The following PPM1H variants were observed in gnomAD, a reference collection of about 807,000 sequenced individuals.
The protein encoded by PPM1H is protein phosphatase, Mg2+/Mn2+ dependent 1H, also known as protein phosphatase 1H.
PPM1H carries 27 observed loss-of-function variants against 54.9 expected under a neutral mutation model. The observed-to-expected ratio is 0.49, with a 90% CI of 0.36 to 0.68. The LOEUF (loss-of-function observed/expected upper bound fraction) is 0.68. Among genes scored for constraint, PPM1H ranks in the 30% least tolerant of loss-of-function variants. The pLI, the probability that PPM1H is intolerant of heterozygous loss-of-function variation, is 0.00. For synonymous variants in PPM1H, 305 were observed against 270.8 expected (o/e 1.13, Z -1.24); for missense variants, 596 against 667.8 (o/e 0.89, Z 1.19).
At chr12:62,658,629 C>T (rs1453272783) in intron 9 of PPM1H, among the ~76,000 whole-genome samples, 1 of 152,062 alleles carries the variant, frequency 6.6e-6, no homozygotes, top group African/African-American at 2.4e-5. Context: ...TATAAGGAAC[C>T]AGAGGACTGT....
Position 62,934,442 on chromosome 12 carries a change from G to A in PPM1H, c.245+50C>T, listed in dbSNP as rs1238860316. On this transcript the variant is annotated intron_variant, in intron 1 of 9. Coordinates refer to ENST00000228705, the MANE Select transcript of PPM1H (RefSeq NM_020700.2). The surrounding 1 kb of genome is among the most constrained non-coding windows in gnomAD (Gnocchi z 4.2). The stretch of plus-strand genomic sequence containing the variant: ...GAGAGAAGAGGGCTGGAACCGTGCG[G>A]GGAAGGGCCGCGAGGAGAGCAGGGG... 2.0e-6 allele frequency: 3 copies of A among 1,494,038 alleles called. No individual in the cohort carries two copies. Among genetic ancestry groups the A allele is most frequent in the African/African-American group, 2.8e-5 (2 of 71,560 alleles). 92.5% of individuals were successfully genotyped at this position (1,494,038 alleles called of 1,614,324 possible). A position where few individuals can be genotyped will look rare whatever the true frequency, so the allele number is the denominator to read the frequency against.
At chr12:62,871,598 T>C (rs1045134534) in intron 1 of PPM1H, among the ~76,000 whole-genome samples, 1 of 146,010 alleles carries the variant, frequency 6.8e-6, no homozygotes, top group African/African-American at 2.5e-5. Flanking sequence ...CACTGCAACC[T>C]CCACCTCCTG....
intron 6 of PPM1H, among the ~76,000 whole-genome samples, chr12:62,699,513 C>CA (rs1424951257): frequency 2.0e-5 from 3 of 152,294 alleles, no homozygotes; most frequent in African/African-American, 2.4e-5. Context: ...CTTTTCAATA[C>CA]AAAAAACAGA....
chr12:62,676,170 T>A (rs769395609), intron 8 of PPM1H, among the ~76,000 whole-genome samples: 1 of 152,202 alleles, frequency 6.6e-6, no homozygotes, highest in Non-Finnish European at 1.5e-5. Flanking sequence ...CTGGCTTCCA[T>A]GCTTCAAGTC....
intron 2 of PPM1H, among the ~76,000 whole-genome samples, chr12:62,818,433 T>C (rs543154181): frequency 7.9e-5 from 12 of 151,556 alleles, no homozygotes; most frequent in Non-Finnish European, 1.3e-4. Flanking sequence ...AATCTTGAGC[T>C]GGTTAATTAA....
At chr12:62,773,217 G>A (rs911453977) in intron 4 of PPM1H, among the ~76,000 whole-genome samples, 1 of 152,216 alleles carries the variant, frequency 6.6e-6, no homozygotes, top group Admixed American at 6.5e-5. Flanking sequence ...GCTTAGGCCT[G>A]TAATTCCAGC....
At position 62,675,690 on chromosome 12, in the gene PPM1H, T is replaced by C. The variant is rs528011888; in HGVS notation, c.1246-8361A>G. Among the ~76,000 whole-genome samples, 156 of 152,346 alleles carry C rather than the reference T, an allele frequency of 1.0e-3. 1 individual carries two copies. The highest frequency in any genetic ancestry group is 3.6e-3 in the African/African-American group (148 of 41,588). On this transcript the variant is annotated intron_variant, in intron 8 of 9. Coordinates refer to ENST00000228705, the MANE Select transcript of PPM1H (RefSeq NM_020700.2). ...GTCCCCTTTGATTCTTGAAAATTCCTGGTTGAGGGGTTAAGATGGTCACCT... is the reference window on the plus strand; with the variant it reads ...GTCCCCTTTGATTCTTGAAAATTCCCGGTTGAGGGGTTAAGATGGTCACCT...
In PPM1H at chr12:62,723,081, G is replaced by T. The variant is rs532478065; in HGVS notation, c.955-2792C>A. On this transcript the variant is annotated intron_variant, in intron 5 of 9. Coordinates refer to ENST00000228705, the MANE Select transcript of PPM1H (RefSeq NM_020700.2). ...CTCAGAACACTTACATTAGCCTACA[G>T]TTGGGCAAAATCATCTGGCAACACA... Among the ~76,000 whole-genome samples the T allele has an allele frequency of 1.8e-4, 27 of 152,268 alleles. No individual in the cohort carries two copies. The South Asian group carries it at 1.9e-3, about 11-fold the overall frequency.
chr12:62,890,457 T>C (rs988644076), intron 1 of PPM1H, among the ~76,000 whole-genome samples: 2 of 152,146 alleles, frequency 1.3e-5, no homozygotes, highest in Non-Finnish European at 2.9e-5. Flanking sequence ...GAAATCTCTG[T>C]GCTTTCTGCT....
At chr12:62,827,796 T>A (rs566361575) in intron 2 of PPM1H, among the ~76,000 whole-genome samples, 1 of 152,284 alleles carries the variant, frequency 6.6e-6, no homozygotes, top group East Asian at 1.9e-4. Context: ...TTCCTAACCT[T>A]ACCCATCCCC....
At chr12:62,771,994 T>G (rs2120651247) in intron 4 of PPM1H, among the ~76,000 whole-genome samples, 1 of 152,306 alleles carries the variant, frequency 6.6e-6, no homozygotes, top group Admixed American at 6.5e-5. Flanking sequence ...AATTCCTAAT[T>G]TACAGACGAG....
chr12:62,922,931 T>G (rs576235166), intron 1 of PPM1H, among the ~76,000 whole-genome samples: 2 of 152,320 alleles, frequency 1.3e-5, no homozygotes, highest in African/African-American at 4.8e-5. Flanking sequence ...TTAGGCAGAT[T>G]TCCTAATTTA....
chr12:62,714,621 C>A (rs1224325286), intron 6 of PPM1H, among the ~76,000 whole-genome samples: 1 of 151,948 alleles, frequency 6.6e-6, no homozygotes, highest in Non-Finnish European at 1.5e-5. Context: ...TTACGAGAGA[C>A]CTAGGCCAGG....
At chr12:62,873,151 C>T (rs1201298094) in intron 1 of PPM1H, among the ~76,000 whole-genome samples, 1 of 152,206 alleles carries the variant, frequency 6.6e-6, no homozygotes, top group Non-Finnish European at 1.5e-5. Flanking sequence ...TCTTCCTACT[C>T]TGTCACATAG....
At chr12:62,839,881 A>AC (rs1366767337) in intron 1 of PPM1H, among the ~76,000 whole-genome samples, 57 of 151,326 alleles carry the variant, frequency 3.8e-4, no homozygotes, top group African/African-American at 1.3e-3. Context: ...CTACAAAAAA[A>AC]AAAAAAAAAC....
At chr12:62,889,171 T>A (rs578037029) in intron 1 of PPM1H, among the ~76,000 whole-genome samples, 4 of 152,300 alleles carry the variant, frequency 2.6e-5, no homozygotes, top group African/African-American at 9.6e-5. Context: ...GAAGACCCAA[T>A]ATTGTCATGA....
intron 1 of PPM1H, among the ~76,000 whole-genome samples, chr12:62,854,461 G>A (rs957194671): frequency 1.8e-4 from 28 of 152,004 alleles, no homozygotes; most frequent in African/African-American, 5.8e-4. Flanking sequence ...AATTATTTGG[G>A]GTAGTCACAG....
At position 62,648,259 on chromosome 12, in the gene PPM1H, C is replaced by G; in HGVS notation, c.*230G>C. The stretch of plus-strand genomic sequence containing the variant: ...TATGAAAGGAACTGAAATACAACAA[C>G]ACTTGGTAGCAGCCTTTGTGTTTTG... On this transcript the variant is annotated 3_prime_UTR_variant, in exon 10 of 10. Coordinates refer to ENST00000228705, the MANE Select transcript of PPM1H (RefSeq NM_020700.2). 2.0e-6 allele frequency: 1 copy of G among 504,918 alleles called. No homozygotes were observed. The highest frequency in any genetic ancestry group is 3.4e-5 in the East Asian group (1 of 29,462). 31.3% of individuals were successfully genotyped at this position (504,918 alleles called of 1,614,324 possible). A position where few individuals can be genotyped will look rare whatever the true frequency, so the allele number is the denominator to read the frequency against.
chr12:62,888,152 C>A (rs1439324092), intron 1 of PPM1H, among the ~76,000 whole-genome samples: 1 of 152,048 alleles, frequency 6.6e-6, no homozygotes, highest in African/African-American at 2.4e-5. Flanking sequence ...CAAAAGAACA[C>A]GCTGATGAGG....
Sources: allele counts gnomAD v4.1 joint callset (sites outside exome capture counted in the v4.1 genomes callset), GRCh38; gene constraint gnomAD v4.1.1; non-coding constraint Gnocchi (gnomAD v3.1); transcripts MANE v1.5; gene names NCBI Gene and HGNC (gene_info 2026-07-23, HGNC 2026-07-21).